NELL1: variants seen among roughly 807,000 people sequenced by gnomAD.
NELL1 encodes the protein neural EGFL like 1.
Under a neutral mutation model 107.4 loss-of-function variants are expected in NELL1, and 76 were observed. The ratio of observed to expected loss-of-function variants is 0.71; its 90% CI spans 0.59 to 0.86. The LOEUF (loss-of-function observed/expected upper bound fraction) is 0.86, where lower values mean the gene tolerates loss of function less well. NELL1 is among the 40% of genes least tolerant of loss of function. NELL1 has a pLI of 0.00. For missense variants in NELL1, 1,024 were observed against 1,005.5 expected (o/e 1.02, Z -0.25); for synonymous variants, 353 against 341.2 (o/e 1.03, Z -0.38).
intron 14 of NELL1, among the ~76,000 whole-genome samples, chr11:21,363,049 A>G (rs1015876269): frequency 2.0e-5 from 3 of 152,040 alleles, no homozygotes; most frequent in African/African-American, 7.2e-5. Context: ...GCCCCAGGCC[A>G]TGAGCTACTC....
chr11:20,680,979 T>C (rs1221892548), intron 2 of NELL1, among the ~76,000 whole-genome samples: 1 of 152,112 alleles, frequency 6.6e-6, no homozygotes, highest in East Asian at 1.9e-4. Context: ...TATTCCTGAC[T>C]ACTACTGAGA....
At chr11:21,448,430 T>C (rs1378138804) in intron 15 of NELL1, among the ~76,000 whole-genome samples, 1 of 152,226 alleles carries the variant, frequency 6.6e-6, no homozygotes, top group Non-Finnish European at 1.5e-5. Context: ...GTTAAAATTA[T>C]ATCTTAAGAG....
At chr11:21,058,207 G>A (rs1356231313) in intron 12 of NELL1, among the ~76,000 whole-genome samples, 1 of 152,038 alleles carries the variant, frequency 6.6e-6, no homozygotes, top group East Asian at 1.9e-4. Context: ...TTGGTTTCTG[G>A]TTTAGGCATA....
chr11:21,150,543 T>C (rs1157537569), intron 13 of NELL1, among the ~76,000 whole-genome samples: 1 of 152,164 alleles, frequency 6.6e-6, no homozygotes, highest in Non-Finnish European at 1.5e-5. Flanking sequence ...GCCCTGACTG[T>C]TACTTTTGCC....
intron 14 of NELL1, among the ~76,000 whole-genome samples, chr11:21,281,890 T>C (rs1849003440): frequency 6.6e-6 from 1 of 152,184 alleles, no homozygotes; most frequent in South Asian, 2.1e-4. Context: ...ACTATGAAAC[T>C]ACTACACAAA....
chr11:21,570,467 T>C (rs1857073792), intron 17 of NELL1, among the ~76,000 whole-genome samples: 1 of 151,928 alleles, frequency 6.6e-6, no homozygotes, highest in Non-Finnish European at 1.5e-5. Context: ...TTTAGCTGCT[T>C]ACTTATAATT....
rs577407183 is a variant in NELL1 at position 21,222,429 on chromosome 11, C to G, written c.1427-6903C>G. Among the ~76,000 whole-genome samples, 7 of 151,754 alleles carry G rather than the reference C, an allele frequency of 4.6e-5. No individual in the cohort carries two copies. The South Asian group carries it at 1.3e-3, about 27-fold the overall frequency. Reference sequence around the variant, plus strand: ...GCCAGGATGGTCTCGATCTCCTGACCTCATGATCTGCCTGCCTCGGCCTCC... The same window carrying G: ...GCCAGGATGGTCTCGATCTCCTGACGTCATGATCTGCCTGCCTCGGCCTCC... On this transcript the variant is annotated intron_variant, in intron 13 of 19. Transcript: ENST00000357134.
At chr11:20,887,744 AT>A (rs1467709885) in intron 5 of NELL1, among the ~76,000 whole-genome samples, 1 of 152,202 alleles carries the variant, frequency 6.6e-6, no homozygotes, top group Non-Finnish European at 1.5e-5. Context: ...TCAATAAAGT[AT>A]ATTAAAGTGG....
In NELL1 at chr11:20,723,029, T is replaced by G. The variant is rs146140390; in HGVS notation, c.184+44969T>G. On this transcript the variant is annotated intron_variant, in intron 2 of 19. Transcript: ENST00000357134. ...ACTATCAGCTCTCATAAGAACTCAC[T>G]CATTATCATGAGAACAGCATGAGAG... 9.2e-4 allele frequency among the ~76,000 whole-genome samples: 140 copies of G among 152,206 alleles called. 1 individual carries two copies. Among genetic ancestry groups the G allele is most frequent in the African/African-American group, 3.2e-3 (133 of 41,526 alleles).
chr11:21,368,352 TTGG>T (rs1043543382), intron 14 of NELL1, among the ~76,000 whole-genome samples: 15 of 82,926 alleles, frequency 1.8e-4, no homozygotes, highest in African/African-American at 8.3e-4. Flanking sequence ...AATTTAGGCA[TTGG>T]TTTTTTTTTT....
chr11:21,272,639 T>A (rs1305060854), intron 14 of NELL1, among the ~76,000 whole-genome samples: 1 of 152,192 alleles, frequency 6.6e-6, no homozygotes, highest in Non-Finnish European at 1.5e-5. Flanking sequence ...GTAGCCTAAC[T>A]GGGAGGCACC....
intron 16 of NELL1, among the ~76,000 whole-genome samples, chr11:21,538,898 T>C (rs1856216143): frequency 6.6e-6 from 1 of 152,168 alleles, no homozygotes; most frequent in Admixed American, 6.5e-5. Flanking sequence ...TGTTCTCTCA[T>C]ATACTTTGCA....
At chr11:21,537,667 TTTG>T (rs1404183264) in intron 16 of NELL1, among the ~76,000 whole-genome samples, 2 of 152,124 alleles carry the variant, frequency 1.3e-5, no homozygotes, top group Non-Finnish European at 2.9e-5. Context: ...AGAGACCTTG[TTTG>T]CCTTTTACTA....
At chr11:21,558,950 A>T (rs1167155614) in intron 16 of NELL1, among the ~76,000 whole-genome samples, 1 of 152,080 alleles carries the variant, frequency 6.6e-6, no homozygotes, top group Non-Finnish European at 1.5e-5. Flanking sequence ...AGTAACAGTG[A>T]GGAGATATAG....
intron 14 of NELL1, among the ~76,000 whole-genome samples, chr11:21,309,726 T>C (rs1455718630): frequency 6.6e-6 from 1 of 151,974 alleles, no homozygotes; most frequent in African/African-American, 2.4e-5. Context: ...AGTCACGTCT[T>C]ATATGGATGG....
At chr11:21,124,904 T>C (rs1855455029) in intron 13 of NELL1, among the ~76,000 whole-genome samples, 1 of 152,106 alleles carries the variant, frequency 6.6e-6, no homozygotes, top group Admixed American at 6.6e-5. Context: ...CCTGGCCAGA[T>C]GATGTTTTCT....
chr11:21,477,696 C>A (rs1380010414), intron 15 of NELL1, among the ~76,000 whole-genome samples: 1 of 151,992 alleles, frequency 6.6e-6, no homozygotes, highest in African/African-American at 2.4e-5. Flanking sequence ...CCTCACCACA[C>A]AAACTAAGTA....
intron 15 of NELL1, among the ~76,000 whole-genome samples, chr11:21,433,867 G>A (rs888355069): frequency 6.6e-6 from 1 of 151,992 alleles, no homozygotes; most frequent in Admixed American, 6.6e-5. Flanking sequence ...TAGAGATGGG[G>A]TTTCTCCATG....
chr11:21,274,440 A>G (rs1848809434), intron 14 of NELL1, among the ~76,000 whole-genome samples: 1 of 152,194 alleles, frequency 6.6e-6, no homozygotes, highest in South Asian at 2.1e-4. Context: ...ACTCCCACAC[A>G]ATAACAATGG....
Sources: gnomAD v4.1 joint callset for allele counts (sites outside exome capture counted in the v4.1 genomes callset) on GRCh38, gnomAD v4.1.1 for gene constraint, MANE v1.5 for transcripts, NCBI Gene and HGNC (gene_info 2026-07-23, HGNC 2026-07-21) for gene names.